The following FBXO34 variants were observed in gnomAD, a reference collection of about 807,000 sequenced individuals.
FBXO34 encodes F-box protein 34, also known as F-box only protein 34.
Under a neutral mutation model 24.5 loss-of-function variants are expected in FBXO34, and 12 were observed. The observed-to-expected ratio is 0.49, with a 90% CI of 0.31 to 0.79. The LOEUF is 0.79. Ranked by LOEUF, FBXO34 falls within the 30% of genes least tolerant of loss-of-function variation. FBXO34 has a pLI of 0.04. For missense variants in FBXO34, 823 were observed against 857.7 expected (o/e 0.96, Z 0.51); for synonymous variants, 320 against 311.9 (o/e 1.03, Z -0.27).
chr14:55,356,577 A>G (rs984880578), downstream of FBXO34, among the ~76,000 whole-genome samples: 8 of 151,810 alleles, frequency 5.3e-5, no homozygotes, highest in Non-Finnish European at 1.2e-4. Flanking sequence ...CCTCCCGAGT[A>G]GCTGGGACTA....
At chr14:55,401,394 A>T in the FBXO34 span, among the ~76,000 whole-genome samples, 10 of 152,200 alleles carry the variant, frequency 6.6e-5, no homozygotes, top group South Asian at 2.1e-3. Flanking sequence ...ATGTAGGCAT[A>T]CATCTTTTTG....
intron 1 of FBXO34, among the ~76,000 whole-genome samples, chr14:55,286,344 C>G (rs891078710): frequency 6.6e-6 from 1 of 152,142 alleles, no homozygotes; most frequent in African/African-American, 2.4e-5. Flanking sequence ...CATTAATGAA[C>G]CTCGGTGTAA....
chr14:55,292,563 A>G (rs867153265), intron 1 of FBXO34, among the ~76,000 whole-genome samples: 42 of 152,068 alleles, frequency 2.8e-4, no homozygotes, highest in African/African-American at 5.1e-4. Flanking sequence ...TGGTTTCACC[A>G]TGTTGCACAG....
the FBXO34 span, among the ~76,000 whole-genome samples, chr14:55,385,289 GTTTT>G: frequency 1.3e-5 from 2 of 151,212 alleles, no homozygotes; most frequent in Non-Finnish European, 3.0e-5. Flanking sequence ...TGGTTCTCTG[GTTTT>G]TTTTTGTTTG....
At chr14:55,390,815 C>T in the FBXO34 span, 1 of 818,288 alleles carries the variant, frequency 1.2e-6, no homozygotes, top group Non-Finnish European at 2.0e-6. Context: ...ACTGCCCCAC[C>T]ATCCCCTTCC....
chr14:55,427,880 C>CTTTTT, the FBXO34 span, among the ~76,000 whole-genome samples: 2 of 130,894 alleles, frequency 1.5e-5, no homozygotes, highest in African/African-American at 2.9e-5. Context: ...GTTAGGATTG[C>CTTTTT]TTTTTTTTTT....
intron 1 of FBXO34, among the ~76,000 whole-genome samples, chr14:55,309,319 TG>T: frequency 6.6e-6 from 1 of 152,164 alleles, no homozygotes; most frequent in East Asian, 1.9e-4. Flanking sequence ...GGTGTGTGGA[TG>T]GGGGAGATGT....
chr14:55,328,821 T>A (rs964499565), intron 1 of FBXO34, among the ~76,000 whole-genome samples: 18 of 152,150 alleles, frequency 1.2e-4, no homozygotes, highest in African/African-American at 4.3e-4. Flanking sequence ...ATATTTTAAA[T>A]TTTCCAGGAA....
At chr14:55,321,918 A>C (rs1246514380) in intron 1 of FBXO34, among the ~76,000 whole-genome samples, 1 of 152,228 alleles carries the variant, frequency 6.6e-6, no homozygotes, top group Non-Finnish European at 1.5e-5. Flanking sequence ...TTGTTTTTGA[A>C]ATTATACAAT....
chr14:55,369,406 C>T (rs1884759819), downstream of FBXO34: 1 of 429,400 alleles, frequency 2.3e-6, no homozygotes, highest in African/African-American at 2.0e-5. Flanking sequence ...CCTTCGACCC[C>T]TGTTCTCTTA....
At chr14:55,302,658 C>T (rs929104062) in intron 1 of FBXO34, among the ~76,000 whole-genome samples, 1 of 150,744 alleles carries the variant, frequency 6.6e-6, no homozygotes, top group African/African-American at 2.4e-5. Flanking sequence ...TTTAAACTCT[C>T]TTTAGTAGCT....
At chr14:55,399,483 T>C in the FBXO34 span, among the ~76,000 whole-genome samples, 4 of 152,196 alleles carry the variant, frequency 2.6e-5, no homozygotes, top group South Asian at 2.1e-4. Flanking sequence ...GATGAACCCA[T>C]AGATTCATCA....
the FBXO34 span, chr14:55,391,204 G>A: frequency 1.4e-4 from 58 of 417,934 alleles, no homozygotes; most frequent in Admixed American, 5.5e-4. Flanking sequence ...AGGCCAGTGC[G>A]GTGGCTCACG....
chr14:55,412,004 C>G, the FBXO34 span: 2 of 615,948 alleles, frequency 3.2e-6, no homozygotes, highest in East Asian at 5.5e-5. Context: ...GCAACAGGTC[C>G]CGAAGCAGGG....
chr14:55,351,347 T>C lies in FBXO34; in HGVS notation c.957T>C (p.Asn319=). The part of the protein sequence containing the change: ...RRNVGRVLLA[N]STQADEGKTK... ...ATGTGGGCAGAGTATTGCTTGCAAA[T>C]AGCACTCAGGCTGATGAAGGCAAAA... The change falls in exon 2 of 2, where the codon AAT becomes AAC. Residue 319 remains asparagine (N), a synonymous_variant. Coordinates refer to ENST00000313833, the MANE Select transcript of FBXO34 (RefSeq NM_017943.4). 6.2e-7 allele frequency: 1 copy of C among 1,614,110 alleles called. No individual in the cohort carries two copies. Among genetic ancestry groups the C allele is most frequent in the Non-Finnish European group, 8.5e-7 (1 of 1,180,022 alleles).
At chr14:55,364,944 G>A (rs540109489), downstream of FBXO34, among the ~76,000 whole-genome samples, 70 of 150,756 alleles carry the variant, frequency 4.6e-4, no homozygotes, top group Non-Finnish European at 8.3e-4. Flanking sequence ...CTGGCTGGGC[G>A]CAGTGGCTCA....
chr14:55,441,237 C>T, the FBXO34 span, among the ~76,000 whole-genome samples: 2 of 151,854 alleles, frequency 1.3e-5, no homozygotes, highest in South Asian at 2.1e-4. Context: ...CAGCCTCGAC[C>T]TCCTGGACTC....
At chr14:55,332,875 C>T (rs1436049705) in intron 1 of FBXO34, among the ~76,000 whole-genome samples, 1 of 152,132 alleles carries the variant, frequency 6.6e-6, no homozygotes. Flanking sequence ...TTTGTGGTGA[C>T]ATGAGAGCCA....
intron 3 of FBXO34, among the ~76,000 whole-genome samples, chr14:55,359,056 C>T (rs781278373): frequency 1.3e-4 from 20 of 151,974 alleles, no homozygotes; most frequent in Admixed American, 2.6e-4. Flanking sequence ...TGGAGACCAC[C>T]GATGCACCAC....
Sources: gnomAD v4.1 joint callset for allele counts (sites outside exome capture counted in the v4.1 genomes callset) on GRCh38, gnomAD v4.1.1 for gene constraint, MANE v1.5 for transcripts, NCBI Gene and HGNC (gene_info 2026-07-23, HGNC 2026-07-21) for gene names.